Variants in GALNT10 observed in about 807,000 individuals in gnomAD.
GALNT10 encodes GalNAc transferase 10.
A neutral mutation model predicts 75.0 loss-of-function variants in GALNT10; 41 were observed. The observed-to-expected ratio is 0.55, with a 90% CI of 0.43 to 0.71. The LOEUF is 0.71. Among genes scored for constraint, GALNT10 ranks in the 30% least tolerant of loss-of-function variants. The pLI, the probability that GALNT10 is intolerant of heterozygous loss-of-function variation, is 0.00. For synonymous variants in GALNT10, 302 were observed against 313.0 expected (o/e 0.96, Z 0.37); for missense variants, 727 against 818.5 (o/e 0.89, Z 1.36).
intron 1 of GALNT10, among the ~76,000 whole-genome samples, chr5:154,263,285 T>A (rs1753727609): frequency 6.6e-6 from 1 of 152,172 alleles, no homozygotes; most frequent in South Asian, 2.1e-4. Flanking sequence ...AATATGTGTA[T>A]ATATACCGAC....
intron 1 of GALNT10, among the ~76,000 whole-genome samples, chr5:154,264,928 C>T (rs866520432): frequency 2.0e-5 from 3 of 152,146 alleles, no homozygotes; most frequent in Non-Finnish European, 2.9e-5. Context: ...TTTCTTATGA[C>T]TTCCAGTGGG....
At chr5:154,348,425 C>G (rs547440224) in intron 4 of GALNT10, among the ~76,000 whole-genome samples, 57 of 152,340 alleles carry the variant, frequency 3.7e-4, no homozygotes, top group African/African-American at 1.3e-3. Context: ...TTTATTCTTC[C>G]TTTTTGACAC....
At chr5:154,378,883 G>A (rs1033882794) in intron 5 of GALNT10, among the ~76,000 whole-genome samples, 1 of 152,152 alleles carries the variant, frequency 6.6e-6, no homozygotes, top group Non-Finnish European at 1.5e-5. Context: ...CATGAAGTCC[G>A]CTGAACGGCC....
intron 1 of GALNT10, among the ~76,000 whole-genome samples, chr5:154,250,733 T>TAAAAG (rs1753504696): frequency 6.6e-6 from 1 of 152,166 alleles, no homozygotes; most frequent in Non-Finnish European, 1.5e-5. Flanking sequence ...ATTTACCCAT[T>TAAAAG]CTCTGCTGCT....
chr5:154,249,092 A>C (rs1753475824), intron 1 of GALNT10, among the ~76,000 whole-genome samples: 1 of 152,216 alleles, frequency 6.6e-6, no homozygotes, highest in Non-Finnish European at 1.5e-5. Context: ...CTGTGTTACC[A>C]GCTATCTGAT....
chr5:154,313,869 C>T (rs142735451), intron 3 of GALNT10, among the ~76,000 whole-genome samples: 74 of 152,304 alleles, frequency 4.9e-4, no homozygotes, highest in African/African-American at 1.6e-3. Flanking sequence ...GGACTTTTCA[C>T]ACTCTACCCA....
intron 6 of GALNT10, among the ~76,000 whole-genome samples, chr5:154,384,743 G>C (rs1755785461): frequency 6.6e-6 from 1 of 152,214 alleles, no homozygotes; most frequent in African/African-American, 2.4e-5. Flanking sequence ...CCTGGAGGCA[G>C]TATATTGTGG....
intron 3 of GALNT10, among the ~76,000 whole-genome samples, chr5:154,299,109 C>T (rs543792058): frequency 6.6e-6 from 1 of 152,320 alleles, no homozygotes; most frequent in Non-Finnish European, 1.5e-5. Flanking sequence ...TTATTAGTTG[C>T]TTACTGTATG....
At chr5:154,341,823 C>T (rs1252208056) in intron 4 of GALNT10, among the ~76,000 whole-genome samples, 1 of 152,220 alleles carries the variant, frequency 6.6e-6, no homozygotes, top group African/African-American at 2.4e-5. Flanking sequence ...TCCTTGCCCC[C>T]TTTAGGCTGC....
At chr5:154,395,748 T>C (rs184479816) in intron 7 of GALNT10, among the ~76,000 whole-genome samples, 77 of 152,334 alleles carry the variant, frequency 5.1e-4, no homozygotes, top group Non-Finnish European at 9.6e-4. Flanking sequence ...AAATATAGTG[T>C]GAACTGGCAG....
chr5:154,315,798 A>G (rs1232728916), intron 3 of GALNT10, among the ~76,000 whole-genome samples: 1 of 152,242 alleles, frequency 6.6e-6, no homozygotes, highest in African/African-American at 2.4e-5. Flanking sequence ...GGTAGGCCCC[A>G]TGACTGACCT....
At chr5:154,271,501 C>G (rs896624720) in intron 1 of GALNT10, among the ~76,000 whole-genome samples, 14 of 152,120 alleles carry the variant, frequency 9.2e-5, no homozygotes, top group African/African-American at 3.4e-4. Flanking sequence ...ATAATAGAGC[C>G]AAAGCCTCTT....
At chr5:154,250,743 T>C (rs1451621627) in intron 1 of GALNT10, among the ~76,000 whole-genome samples, 1 of 152,186 alleles carries the variant, frequency 6.6e-6, no homozygotes, top group East Asian at 1.9e-4. Context: ...TCTCTGCTGC[T>C]TAAAAGATTA....
rs186621328 is a variant in GALNT10, at chr5:154,305,448, A to G, written c.401+7369A>G. Among the ~76,000 whole-genome samples, 481 of 152,364 alleles carry G rather than the reference A, an allele frequency of 3.2e-3. 3 individuals are homozygous for G. The highest frequency in any genetic ancestry group is 0.011 in the African/African-American group (466 of 41,588). On this transcript the variant is annotated intron_variant, in intron 3 of 11. Coordinates refer to ENST00000297107, the MANE Select transcript of GALNT10 (RefSeq NM_198321.4). ...GATTGGATAAGAAAACAAGATTCAA[A>G]TACATGCTCCCTGCAAGAAACACAC... is the stretch of plus-strand genomic sequence containing the variant.
At chr5:154,207,592 G>A (rs1271019502) in intron 1 of GALNT10, among the ~76,000 whole-genome samples, 5 of 152,148 alleles carry the variant, frequency 3.3e-5, no homozygotes, top group Non-Finnish European at 7.3e-5. Context: ...CGGGCAGGGC[G>A]GGTAAGCAGA....
chr5:154,404,550 AAC>A (rs142758422), intron 8 of GALNT10, among the ~76,000 whole-genome samples: 5,429 of 152,292 alleles, frequency 0.036, 299 homozygotes, highest in African/African-American at 0.12. Flanking sequence ...TTAGGCAGCA[AAC>A]ACAGGAATGT....
chr5:154,412,749 C>T lies in GALNT10; in HGVS notation c.1387-140C>T. 1.4e-6 allele frequency: 1 copy of T among 720,884 alleles called. No individual in the cohort carries two copies. The highest frequency in any genetic ancestry group is 2.5e-6 in the Non-Finnish European group (1 of 398,114). The allele number at this position is 720,884 out of a possible 1,614,324, so 44.7% of individuals were successfully genotyped here. On this transcript the variant is annotated intron_variant, in intron 9 of 11. Coordinates refer to ENST00000297107, the MANE Select transcript of GALNT10 (RefSeq NM_198321.4). The surrounding 1 kb of genome is among the most constrained non-coding windows in gnomAD (Gnocchi z 4.2). ...GAGAGGCTCAAGGTACTTCCAACAGCCCAGGGCAAGCTTTATCAAGACGAT... is the reference window on the plus strand; with the variant it reads ...GAGAGGCTCAAGGTACTTCCAACAGTCCAGGGCAAGCTTTATCAAGACGAT...
At chr5:154,407,610 G>A (rs956670973) in intron 8 of GALNT10, among the ~76,000 whole-genome samples, 4 of 152,130 alleles carry the variant, frequency 2.6e-5, no homozygotes, top group African/African-American at 7.2e-5. Flanking sequence ...TCTGTGACTC[G>A]AGCAGGTTAG....
At chr5:154,281,128 C>T (rs1754032982) in intron 1 of GALNT10, among the ~76,000 whole-genome samples, 1 of 152,136 alleles carries the variant, frequency 6.6e-6, no homozygotes, top group Non-Finnish European at 1.5e-5. Flanking sequence ...TAAAGAGTAA[C>T]TTGAGTTGAT....
Sources: gnomAD v4.1 joint callset for allele counts (sites outside exome capture counted in the v4.1 genomes callset) on GRCh38, gnomAD v4.1.1 for gene constraint, Gnocchi (gnomAD v3.1) non-coding constraint, MANE v1.5 for transcripts, NCBI Gene and HGNC (gene_info 2026-07-23, HGNC 2026-07-21) for gene names.